METTL9: variants seen among roughly 807,000 people sequenced by gnomAD.
The protein encoded by METTL9 is methyltransferase 9, His-X-His N1(pi)-histidine.
Under a neutral mutation model 36.0 loss-of-function variants are expected in METTL9, and 10 were observed. The observed-to-expected ratio is 0.28, with a 90% CI of 0.17 to 0.47. METTL9 has a LOEUF of 0.47. Among genes scored for constraint, METTL9 ranks in the 20% least tolerant of loss-of-function variants. The pLI, the probability that METTL9 is intolerant of heterozygous loss-of-function variation, is 0.99. For missense variants in METTL9, 246 were observed against 383.5 expected, an observed-to-expected ratio of 0.64 and a Z score of 3.00; for synonymous variants, 175 against 149.7, an observed-to-expected ratio of 1.17 and a Z score of -1.23.
At chr16:21,627,469 G>A in intron 4 of METTL9, 1 of 658,934 alleles carries the variant, frequency 1.5e-6, no homozygotes, top group Non-Finnish European at 1.9e-6. Flanking sequence ...AGGGGTTATT[G>A]AATCTAGTGA....
At chr16:21,625,440 C>T (rs75323522) in intron 4 of METTL9, among the ~76,000 whole-genome samples, 241 of 152,252 alleles carry the variant, frequency 1.6e-3, no homozygotes, top group African/African-American at 5.5e-3. Flanking sequence ...ACAACTGAAT[C>T]GAGCAATAAA....
chr16:21,637,355 T>C (rs953407533), intron 4 of METTL9, among the ~76,000 whole-genome samples: 1 of 152,180 alleles, frequency 6.6e-6, no homozygotes, highest in African/African-American at 2.4e-5. Context: ...CCAAGTCTGC[T>C]ACCCGGCTAG....
chr16:21,611,116 G>T (rs1307201981), intron 1 of METTL9, among the ~76,000 whole-genome samples: 1 of 152,112 alleles, frequency 6.6e-6, no homozygotes, highest in Non-Finnish European at 1.5e-5. Flanking sequence ...AATAAAAACA[G>T]TTTTATATAT....
intron 2 of METTL9, 52 bp downstream of exon 2, chr16:21,612,887 G>A: frequency 6.9e-7 from 1 of 1,447,300 alleles, no homozygotes; most frequent in Admixed American, 2.5e-5. Flanking sequence ...GTTTACAAAA[G>A]GAAAAACACA....
intron 4 of METTL9, among the ~76,000 whole-genome samples, chr16:21,643,974 G>A (rs1012361412): frequency 3.3e-5 from 5 of 151,858 alleles, no homozygotes; most frequent in Non-Finnish European, 5.9e-5. Context: ...GTAATATCTC[G>A]CCCTCCACCT....
At chr16:21,652,379 C>A in intron 4 of METTL9, 1 of 519,026 alleles carries the variant, frequency 1.9e-6, no homozygotes, top group Non-Finnish European at 3.3e-6. Context: ...TTGTCTATTT[C>A]TCAGGGGAAA....
intron 1 of METTL9, among the ~76,000 whole-genome samples, chr16:21,600,679 C>T (rs1323231419): frequency 1.3e-5 from 2 of 152,166 alleles, no homozygotes; most frequent in African/African-American, 4.8e-5. Flanking sequence ...GTAGGCTTTT[C>T]ATTAGCTCAG....
chr16:21,634,862 G>A (rs1966047138), intron 4 of METTL9, among the ~76,000 whole-genome samples: 4 of 152,106 alleles, frequency 2.6e-5, no homozygotes, highest in Admixed American at 2.6e-4. Flanking sequence ...AATAATTCAT[G>A]GGCTTTTTCC....
chr16:21,604,318 T>C (rs2152892497), intron 1 of METTL9, among the ~76,000 whole-genome samples: 1 of 152,254 alleles, frequency 6.6e-6, no homozygotes, highest in East Asian at 1.9e-4. Flanking sequence ...CCAGGAGTCT[T>C]TATGTTTCTC....
rs764146949 is a variant in METTL9 at position 21,618,072 on chromosome 16, C to A, written c.564C>A (p.Tyr188Ter). 1 of 1,553,454 alleles carries A rather than the reference C, an allele frequency of 6.4e-7. No homozygotes were observed. Residue 188 changes from tyrosine to a stop codon, truncating the protein, a stop_gained and splice_region_variant, in exon 3 of 5, where the codon TAC becomes TAA. Transcript: ENST00000358154. LOFTEE classifies it high-confidence loss of function. ...TMIWQLQKKK[Y>*]RVLGINEWQN... is the part of the protein sequence containing the mutation. Reference sequence around the variant, plus strand: ...TATGGCAGCTTCAGAAAAAGAAATACAGGTATAATTTTCTTGGTTTTAGAT... The same window carrying A: ...TATGGCAGCTTCAGAAAAAGAAATAAAGGTATAATTTTCTTGGTTTTAGAT...
At chr16:21,626,078 A>G (rs902449252) in intron 4 of METTL9, among the ~76,000 whole-genome samples, 1 of 151,742 alleles carries the variant, frequency 6.6e-6, no homozygotes, top group Non-Finnish European at 1.5e-5. Context: ...TAATTTTTGT[A>G]TTTTCAGTAG....
At chr16:21,602,836 T>G (rs1965172045) in intron 1 of METTL9, among the ~76,000 whole-genome samples, 1 of 152,082 alleles carries the variant, frequency 6.6e-6, no homozygotes, top group African/African-American at 2.4e-5. Context: ...TTTTGTAGTT[T>G]TCAGTAGAGA....
At chr16:21,630,658 C>T (rs532564029) in intron 4 of METTL9, among the ~76,000 whole-genome samples, 111 of 152,176 alleles carry the variant, frequency 7.3e-4, no homozygotes, top group African/African-American at 2.4e-3. Flanking sequence ...GAAGGGCCAG[C>T]GGGTTGGTCC....
rs77836477 is a variant in METTL9 at position 21,643,571 on chromosome 16, C to T, written c.752-11656C>T. ...ACCTTTTGTGAGTCTTCTTTTATTT[C>T]TTTGTTTCTTAGAGGGTTGGATTTT... On this transcript the variant is annotated intron_variant, in intron 4 of 4. Coordinates refer to ENST00000358154, the MANE Select transcript of METTL9 (RefSeq NM_016025.5). The T allele has an allele frequency of 8.2e-3, 13,217 of 1,606,012 alleles. 70 individuals carry two copies. Among genetic ancestry groups the T allele is most frequent in the Non-Finnish European group, 9.8e-3 (11,562 of 1,174,114 alleles).
chr16:21,633,417 T>A (rs774295936), intron 4 of METTL9, among the ~76,000 whole-genome samples: 1 of 152,194 alleles, frequency 6.6e-6, no homozygotes, highest in African/African-American at 2.4e-5. Context: ...GTCCTAGATC[T>A]TGGGCCAGTG....
At chr16:21,607,031 A>G (rs150938369) in intron 1 of METTL9, among the ~76,000 whole-genome samples, 11 of 152,236 alleles carry the variant, frequency 7.2e-5, no homozygotes, top group African/African-American at 1.9e-4. Context: ...TGATTCATCA[A>G]CCAAGGTTAT....
At chr16:21,604,951 G>T (rs1965233646) in intron 1 of METTL9, among the ~76,000 whole-genome samples, 2 of 152,132 alleles carry the variant, frequency 1.3e-5, no homozygotes, top group Admixed American at 1.3e-4. Flanking sequence ...CCCTTGCCTT[G>T]GAGAGAAAGG....
At chr16:21,626,423 G>GT (rs914287500) in intron 4 of METTL9, among the ~76,000 whole-genome samples, 18 of 152,266 alleles carry the variant, frequency 1.2e-4, no homozygotes, top group Admixed American at 9.2e-4. Context: ...TCTTGTATGT[G>GT]TTTTTTCTCC....
intron 4 of METTL9, 144 bp downstream of exon 4, chr16:21,625,259 C>A: frequency 2.3e-6 from 2 of 884,078 alleles, no homozygotes; most frequent in South Asian, 1.6e-5. Context: ...CCATGTAAAA[C>A]ACCATCTTGG....
Sources: gnomAD v4.1 joint callset for allele counts (sites outside exome capture counted in the v4.1 genomes callset) on GRCh38, gnomAD v4.1.1 for gene constraint, MANE v1.5 for transcripts, NCBI Gene and HGNC (gene_info 2026-07-23, HGNC 2026-07-21) for gene names.